The following CNGB3 variants were observed in gnomAD, a reference collection of about 807,000 sequenced individuals.
CNGB3 encodes cyclic nucleotide gated channel subunit beta 3.
In CNGB3, 86 loss-of-function variants were observed where a neutral mutation model predicts 92.8. The ratio of observed to expected loss-of-function variants is 0.93; its 90% confidence interval spans 0.78 to 1.11. The LOEUF (loss-of-function observed/expected upper bound fraction) is 1.11. Among genes scored for constraint, CNGB3 ranks in the 50% least tolerant of loss-of-function variants. CNGB3 has a pLI of 0.00. For synonymous variants in CNGB3, 333 were observed against 332.7 expected, an observed-to-expected ratio of 1.00 and a Z score of -0.01; for missense variants, 1,026 against 956.8, an observed-to-expected ratio of 1.07 and a Z score of -0.95.
At chr8:86,675,094 G>A (rs572170731) in intron 3 of CNGB3, among the ~76,000 whole-genome samples, 63 of 151,878 alleles carry the variant, frequency 4.1e-4, no homozygotes, top group Non-Finnish European at 8.1e-4. Flanking sequence ...GAGTAGCTGG[G>A]GTTACAAGTG....
chr8:86,667,249 A>G lies in CNGB3; in HGVS notation c.644-116T>C. 8.2e-6 allele frequency: 7 copies of G among 851,750 alleles called. No individual in the cohort carries two copies. In the Admixed American group the frequency reaches 1.4e-4, roughly 17 times the overall value. The allele number at this position is 851,750 out of a possible 1,614,324, so 52.8% of individuals were successfully genotyped here. A position where few individuals can be genotyped will look rare whatever the true frequency, so the allele number is the denominator to read the frequency against. ...CCTCTACAGAGTAATTTGCCATAGG[A>G]GGCTCTATTAAACATTCAACACCAT... On this transcript the variant is annotated intron_variant, in intron 5 of 17. Transcript: ENST00000320005.
rs535164219 is a variant in CNGB3 at position 86,629,187 on chromosome 8, T to A, written c.1321-109A>T. ...ACTTCCTTCTAATGCCCTGATTACT[T>A]GATTTTATTCATTCATTCATTTTTA... On this transcript the variant is annotated intron_variant, in intron 11 of 17. Transcript: ENST00000320005. 2.2e-4 allele frequency: 274 copies of A among 1,234,072 alleles called. 4 individuals are homozygous for A. The South Asian group carries it at 3.3e-3, about 15-fold the overall frequency. 76.4% of individuals were successfully genotyped at this position (1,234,072 alleles called of 1,614,324 possible).
intron 17 of CNGB3, among the ~76,000 whole-genome samples, chr8:86,578,083 G>A (rs1316765300): frequency 6.6e-6 from 1 of 151,898 alleles, no homozygotes; most frequent in Admixed American, 6.6e-5. Context: ...CTAATTTTTT[G>A]TGTTTTCAGT....
intron 13 of CNGB3, among the ~76,000 whole-genome samples, chr8:86,617,380 G>A (rs1192504031): frequency 1.3e-5 from 2 of 152,142 alleles, no homozygotes; most frequent in Non-Finnish European, 2.9e-5. Context: ...ATGGTCTTCA[G>A]GGCTTTTTCC....
chr8:86,621,486 T>C (rs963640740), intron 13 of CNGB3, among the ~76,000 whole-genome samples: 1 of 152,192 alleles, frequency 6.6e-6, no homozygotes. Flanking sequence ...TTTATTTAAT[T>C]TCAATAGTTT....
intron 14 of CNGB3, among the ~76,000 whole-genome samples, chr8:86,605,990 G>T (rs547577706): frequency 3.9e-5 from 6 of 152,182 alleles, no homozygotes; most frequent in African/African-American, 1.4e-4. Context: ...TAAAACAAAG[G>T]CACAGATTGG....
rs150020788 is a variant in CNGB3 at position 86,584,141 on chromosome 8, G to A, written c.1782-4889C>T. Among the ~76,000 whole-genome samples, 299 of 152,192 alleles carry A rather than the reference G, an allele frequency of 2.0e-3. 1 individual carries two copies. The highest frequency in any genetic ancestry group is 6.6e-3 in the African/African-American group (276 of 41,522). ...TTACCCCATCTATCTATGTATCTACGTATCATTCTGTCTGTCCTCTGTTGT... is the reference window on the plus strand; with the variant it reads ...TTACCCCATCTATCTATGTATCTACATATCATTCTGTCTGTCCTCTGTTGT... On this transcript the variant is annotated intron_variant, in intron 15 of 17. Coordinates refer to ENST00000320005, the MANE Select transcript of CNGB3 (RefSeq NM_019098.5).
In CNGB3 at chr8:86,733,169, C is replaced by T. The variant is rs554401050; in HGVS notation, c.211+6486G>A. 1.3e-4 allele frequency among the ~76,000 whole-genome samples: 20 copies of T among 152,264 alleles called. No individual in the cohort carries two copies. The East Asian group carries it at 3.1e-3, about 24-fold the overall frequency. ...CCATGAGTACCCAGTGTTTAGCTTACACTTATAAGTGAGAACATGTGGTAT... is the reference window on the plus strand; with the variant it reads ...CCATGAGTACCCAGTGTTTAGCTTATACTTATAAGTGAGAACATGTGGTAT... On this transcript the variant is annotated intron_variant, in intron 2 of 17. Transcript: ENST00000320005.
At chr8:86,606,710 A>G (rs1042665609) in intron 14 of CNGB3, among the ~76,000 whole-genome samples, 1 of 152,208 alleles carries the variant, frequency 6.6e-6, no homozygotes, top group South Asian at 2.1e-4. Flanking sequence ...TCTTGCAAAA[A>G]TCCGAGTGAA....
At chr8:86,689,803 A>G (rs1010630180) in intron 3 of CNGB3, among the ~76,000 whole-genome samples, 2 of 152,004 alleles carry the variant, frequency 1.3e-5, no homozygotes, top group Non-Finnish European at 2.9e-5. Context: ...TTGTGTGAGA[A>G]CATGCGGTGT....
At chr8:86,630,931 G>A (rs533280360) in intron 11 of CNGB3, among the ~76,000 whole-genome samples, 1 of 152,258 alleles carries the variant, frequency 6.6e-6, no homozygotes, top group Admixed American at 6.5e-5. Flanking sequence ...GGAATTTTGA[G>A]TGAGTGGAGG....
At chr8:86,580,148 A>G (rs1821734216) in intron 15 of CNGB3, among the ~76,000 whole-genome samples, 1 of 137,910 alleles carries the variant, frequency 7.3e-6, no homozygotes, top group Non-Finnish European at 1.5e-5. Flanking sequence ...CTTTAAAACC[A>G]TCAGCTCTCC....
intron 14 of CNGB3, among the ~76,000 whole-genome samples, chr8:86,606,914 T>C (rs1298931419): frequency 2.0e-5 from 3 of 152,190 alleles, no homozygotes; most frequent in African/African-American, 7.2e-5. Flanking sequence ...AACTGATCTC[T>C]TAAAAACCAA....
In CNGB3 at chr8:86,694,418, C is replaced by T. The variant is rs894376137; in HGVS notation, c.339-23320G>A. Among the ~76,000 whole-genome samples the T allele has an allele frequency of 3.3e-5, 5 of 151,616 alleles. 1 individual carries two copies. The highest frequency in any genetic ancestry group is 1.2e-4 in the African/African-American group (5 of 41,274). On this transcript the variant is annotated intron_variant, in intron 3 of 17. Transcript: ENST00000320005. ...GCGGGGGCTGACCCCCACCTCCCTCCCGGACGGGGTGGCTGCCGGGCGGAG... is the reference window on the plus strand; with the variant it reads ...GCGGGGGCTGACCCCCACCTCCCTCTCGGACGGGGTGGCTGCCGGGCGGAG...
chr8:86,628,561 C>T (rs1822895416), intron 12 of CNGB3, among the ~76,000 whole-genome samples: 1 of 152,146 alleles, frequency 6.6e-6, no homozygotes, highest in African/African-American at 2.4e-5. Flanking sequence ...GGCTCTGTGT[C>T]TTCGCCCAAA....
At chr8:86,709,986 A>G (rs912123345) in intron 3 of CNGB3, among the ~76,000 whole-genome samples, 3 of 152,196 alleles carry the variant, frequency 2.0e-5, no homozygotes, top group African/African-American at 4.8e-5. Flanking sequence ...TCCTGTGCTA[A>G]ACAGTTGAGA....
intron 5 of CNGB3, 103 bp downstream of exon 5, chr8:86,667,916 G>T: frequency 8.0e-7 from 1 of 1,252,484 alleles, no homozygotes; most frequent in Non-Finnish European, 1.2e-6. Context: ...GTTAGATTGA[G>T]AATATGAAGT....
intron 3 of CNGB3, chr8:86,704,304 A>G (rs1401256871): frequency 6.6e-6 from 1 of 152,300 alleles, no homozygotes; most frequent in Non-Finnish European, 1.5e-5. Flanking sequence ...AGGAGCAAGA[A>G]GAGGAGAGAT....
At chr8:86,602,595 C>T (rs1822328994) in intron 15 of CNGB3, among the ~76,000 whole-genome samples, 3 of 152,130 alleles carry the variant, frequency 2.0e-5, no homozygotes, top group Non-Finnish European at 4.4e-5. Context: ...TACTTGGCAT[C>T]TTGGGATAGC....
Sources: gnomAD v4.1 joint callset for allele counts (sites outside exome capture counted in the v4.1 genomes callset) on GRCh38, gnomAD v4.1.1 for gene constraint, MANE v1.5 for transcripts, NCBI Gene and HGNC (gene_info 2026-07-23, HGNC 2026-07-21) for gene names.